The following DHX8 variants were observed in gnomAD, a reference collection of about 807,000 sequenced individuals.
The protein encoded by DHX8 is DEAH-box helicase 8.
In DHX8, 67 loss-of-function variants were observed where a neutral mutation model predicts 140.7. The observed-to-expected ratio is 0.48, with a 90% CI of 0.39 to 0.58. DHX8 has a LOEUF of 0.58. Among genes scored for constraint, DHX8 ranks in the 20% least tolerant of loss-of-function variants. The pLI is 0.00. For missense variants in DHX8, 887 were observed against 1,550.7 expected (o/e 0.57, Z 7.19); for synonymous variants, 533 against 553.2 (o/e 0.96, Z 0.51).
chr17:43,493,450 G>A lies in DHX8; in HGVS notation c.869G>A (p.Arg290Gln), dbSNP rs774951011. ...CFVQLEGLRK[R>Q]WEGLVHISEL... ...TGTGTCTGGCTCTCCCTCAGGAAGC[G>A]GTGGGAAGGCCTGGTGCACATCTCT... Residue 290 changes from arginine to glutamine, a missense_variant, in exon 7 of 23, where the codon CGG (arginine) becomes CAG (glutamine). Transcript: ENST00000262415. 5.0e-6 allele frequency: 8 copies of A among 1,614,094 alleles called. No individual in the cohort carries two copies. Among genetic ancestry groups the A allele is most frequent in the Non-Finnish European group, 5.9e-6 (7 of 1,180,010 alleles).
chr17:43,492,894 C>A lies in DHX8; in HGVS notation c.717C>A (p.Asp239Glu), dbSNP rs761708865. The A allele has an allele frequency of 6.2e-7, 1 of 1,614,182 alleles. No homozygotes were observed. The highest frequency in any genetic ancestry group is 8.5e-7 in the Non-Finnish European group (1 of 1,180,034). The change falls in exon 6 of 23, where the codon GAC (aspartate) becomes GAA (glutamate). Residue 239 changes from aspartate to glutamate, a missense_variant. By Grantham distance (45) the Asp-to-Glu change is conservative (BLOSUM62 2). Coordinates refer to ENST00000262415, the MANE Select transcript of DHX8 (RefSeq NM_004941.3). The part of the protein sequence containing the change: ...QSPPKDRKDR[D>E]KYGERNLDRW... ...CCCCCAAAGACCGGAAGGACCGGGACAAATATGGAGAGCGGAATCTGGATA... is the reference window on the plus strand; with the variant it reads ...CCCCCAAAGACCGGAAGGACCGGGAAAAATATGGAGAGCGGAATCTGGATA...
Position 43,492,757 on chromosome 17 carries a change from C to T in DHX8, c.580C>T (p.Arg194Ter), listed in dbSNP as rs1164552505. 1.1e-5 allele frequency: 17 copies of T among 1,613,972 alleles called. No homozygotes were observed. The highest frequency in any genetic ancestry group is 2.2e-5 in the East Asian group (1 of 44,878). ...TCGAGACAGAGATAGGGAACGAAAC[C>T]GAGATAGAGACCACAAGCGGAGACA... ...RDRDRDRERNRDRDHKRRHRS... is the reference protein window; with the variant it reads ...RDRDRDRERN Residue 194 changes from arginine to a stop codon, truncating the protein, a stop_gained, in exon 6 of 23, where the codon CGA (arginine) becomes TGA (stop). Coordinates refer to ENST00000262415, the MANE Select transcript of DHX8 (RefSeq NM_004941.3). LOFTEE classifies it high-confidence loss of function.
At chr17:43,529,692 A>C, downstream of DHX8, 1 of 1,601,032 alleles carries the variant, frequency 6.2e-7, no homozygotes, top group Non-Finnish European at 8.5e-7. Context: ...GAACACGAAA[A>C]TAGGAGGTGT....
At chr17:43,543,296 T>TCTCTCTCTCTCTCTCTCTCTCTCTCA (rs888736657) in intron 3 of DHX8, among the ~76,000 whole-genome samples, 109 of 143,432 alleles carry the variant, frequency 7.6e-4, no homozygotes, top group Middle Eastern at 7.1e-3. Context: ...TCTCTCTCTC[T>TCTCTCTCTCTCTCTCTCTCTCTCTCA]CACACACACA....
In DHX8 at chr17:43,524,495, C is replaced by T; in HGVS notation, c.*648C>T. On this transcript the variant is annotated 3_prime_UTR_variant, in exon 23 of 23. Transcript: ENST00000262415. ...GGAAACGACGTACAACCCAGACTTC[C>T]AGCCTTGTCTTTCAGCATCAGCACT... is the stretch of plus-strand genomic sequence containing the variant. The T allele has an allele frequency of 3.0e-6, 3 of 987,154 alleles. No individual in the cohort carries two copies. Among genetic ancestry groups the T allele is most frequent in the Non-Finnish European group, 3.6e-6 (3 of 831,326 alleles). The allele number at this position is 987,154 out of a possible 1,614,324, so 61.1% of individuals were successfully genotyped here.
chr17:43,487,715 G>A (rs1968249992), intron 1 of DHX8, among the ~76,000 whole-genome samples: 1 of 152,138 alleles, frequency 6.6e-6, no homozygotes, highest in African/African-American at 2.4e-5. Flanking sequence ...AGTGGCTCAT[G>A]CCTGTAATCC....
chr17:43,494,708 A>G (rs1362455146), intron 8 of DHX8, among the ~76,000 whole-genome samples: 6 of 148,046 alleles, frequency 4.1e-5, no homozygotes, highest in African/African-American at 5.0e-5. Flanking sequence ...GCAACAGAAC[A>G]AGACTCTGTC....
At chr17:43,519,217 A>G (rs545139983) in intron 18 of DHX8, 1 of 152,358 alleles carries the variant, frequency 6.6e-6, no homozygotes, top group East Asian at 1.9e-4. Flanking sequence ...CATTCCCACC[A>G]GCAATGCATG....
intron 8 of DHX8, among the ~76,000 whole-genome samples, chr17:43,495,897 G>C (rs1325185449): frequency 6.6e-6 from 1 of 152,096 alleles, no homozygotes; most frequent in African/African-American, 2.4e-5. Flanking sequence ...CCAGGAGTTT[G>C]AGACCAGCCT....
At chr17:43,484,564 A>G (rs1290804137) in intron 1 of DHX8, among the ~76,000 whole-genome samples, 1 of 152,076 alleles carries the variant, frequency 6.6e-6, no homozygotes, top group Non-Finnish European at 1.5e-5. Flanking sequence ...CTTTATTGAC[A>G]TTATTTTATT....
chr17:43,491,124 ATC>A, intron 3 of DHX8, 39 bp from the exon 4 acceptor site: 2 of 892,590 alleles, frequency 2.2e-6, no homozygotes, highest in Non-Finnish European at 3.3e-6. Flanking sequence ...TTAAATATAT[ATC>A]TCTTTTTTTA....
At chr17:43,523,587 C>T (rs1407406794) in intron 22 of DHX8, 41 bp from the exon 23 acceptor site, 1 of 1,609,602 alleles carries the variant, frequency 6.2e-7, no homozygotes, top group East Asian at 2.2e-5. Context: ...AGAGTGGGGC[C>T]TATATCCAGA....
Position 43,542,675 on chromosome 17 carries a change from C to T in DHX8, c.*21-1487C>T, listed in dbSNP as rs147099593. Among the ~76,000 whole-genome samples, 706 of 152,280 alleles carry T rather than the reference C, an allele frequency of 4.6e-3. 6 individuals carry two copies. Among genetic ancestry groups the T allele is most frequent in the African/African-American group, 0.016 (673 of 41,552 alleles). ...CTCCATAAAGCCGCACTCACACTCA[C>T]CCTTCAACGCCCGGACGCAGGACAC... On this transcript the variant is annotated intron_variant, in intron 3 of 3. Coordinates refer to the DHX8 transcript ENST00000589898.
At chr17:43,533,033 A>G (rs1750085174) in intron 2 of DHX8, 3 of 1,503,844 alleles carry the variant, frequency 2.0e-6, no homozygotes, top group Non-Finnish European at 2.7e-6. Flanking sequence ...TGGGCTCCGG[A>G]ATGGGGGGTA....
At chr17:43,540,806 G>T (rs1270377643) in intron 3 of DHX8, among the ~76,000 whole-genome samples, 1 of 152,174 alleles carries the variant, frequency 6.6e-6, no homozygotes, top group Non-Finnish European at 1.5e-5. Flanking sequence ...GGAAGCTGGG[G>T]TGATGGGAGC....
intron 1 of DHX8, among the ~76,000 whole-genome samples, chr17:43,488,256 C>A (rs1171712482): frequency 6.7e-6 from 1 of 150,058 alleles, no homozygotes; most frequent in Non-Finnish European, 1.5e-5. Context: ...CCAGCCTGGG[C>A]GACAGAGCGA....
chr17:43,522,769 C>A (rs4793255), intron 22 of DHX8, among the ~76,000 whole-genome samples: 136,006 of 136,314 alleles, frequency 1, 67,850 homozygotes, highest in Admixed American at 1. Context: ...AAAAAAAAAA[C>A]CAACTACCTA....
chr17:43,513,537 T>C, intron 17 of DHX8, 35 bp downstream of exon 17: 1 of 1,606,086 alleles, frequency 6.2e-7, no homozygotes. Context: ...TTCCTGATAA[T>C]CCTGATTAGG....
At chr17:43,512,909 T>C (rs575809283) in intron 16 of DHX8, among the ~76,000 whole-genome samples, 2 of 152,190 alleles carry the variant, frequency 1.3e-5, no homozygotes, top group African/African-American at 4.8e-5. Context: ...TTGTTCCACA[T>C]ACATATTCCG....
Sources: allele counts gnomAD v4.1 joint callset (sites outside exome capture counted in the v4.1 genomes callset), GRCh38; gene constraint gnomAD v4.1.1; transcripts MANE v1.5; gene names NCBI Gene and HGNC (gene_info 2026-07-23, HGNC 2026-07-21).